Variants in CLIC5 observed in about 807,000 individuals in gnomAD.
CLIC5 encodes chloride intracellular channel protein 5.
A neutral mutation model predicts 24.7 loss-of-function variants in CLIC5; 20 were observed. The ratio of observed to expected loss-of-function variants is 0.81; its 90% CI spans 0.57 to 1.18. CLIC5 has a LOEUF of 1.18. Ranked by LOEUF, CLIC5 falls within the 50% of genes most tolerant of loss-of-function variation. The probability of loss-of-function intolerance (pLI) is 0.00; values close to 1 mark genes in which losing one functional copy is unlikely to be tolerated. For missense variants in CLIC5, 341 were observed against 326.1 expected (o/e 1.05, Z -0.35); for synonymous variants, 159 against 135.6 (o/e 1.17, Z -1.20).
intron 1 of CLIC5, among the ~76,000 whole-genome samples, chr6:45,974,530 G>T (rs1326529148): frequency 0.16 from 10,129 of 63,560 alleles, 305 homozygotes; most frequent in Non-Finnish European, 0.18. Context: ...TATAGAGAGA[G>T]AGAGAGAGAG....
downstream of CLIC5, chr6:45,880,866 A>G (rs1762256581): frequency 3.0e-6 from 1 of 328,794 alleles, no homozygotes; most frequent in African/African-American, 2.1e-5. Flanking sequence ...TGCAGCAGGG[A>G]ACCGACGGGC....
chr6:45,895,127 ATTTATTT>A (rs1762382526), downstream of CLIC5, among the ~76,000 whole-genome samples: 1 of 152,180 alleles, frequency 6.6e-6, no homozygotes. Flanking sequence ...TACCAGTATA[ATTTATTT>A]TTTATTTCTT....
At chr6:46,072,453 A>G (rs1762635347) in intron 1 of CLIC5, among the ~76,000 whole-genome samples, 1 of 152,146 alleles carries the variant, frequency 6.6e-6, no homozygotes, top group South Asian at 2.1e-4. Context: ...TGCAAATCCA[A>G]GTTATTCAGA....
intron 1 of CLIC5, among the ~76,000 whole-genome samples, chr6:46,072,286 G>C (rs1314740467): frequency 3.3e-5 from 5 of 152,046 alleles, no homozygotes; most frequent in South Asian, 4.2e-4. Flanking sequence ...GGCTAGGTGG[G>C]GGGAGGGGGG....
intron 1 of CLIC5, among the ~76,000 whole-genome samples, chr6:46,071,473 C>A (rs1451573395): frequency 3.3e-5 from 5 of 151,768 alleles, no homozygotes; most frequent in Admixed American, 3.3e-4. Context: ...GGGCCAACAA[C>A]CATATGAAAA....
intron 4 of CLIC5, among the ~76,000 whole-genome samples, chr6:45,934,582 C>A (rs749728530): frequency 4.6e-5 from 7 of 152,192 alleles, no homozygotes; most frequent in Non-Finnish European, 7.3e-5. Flanking sequence ...GCCCCTGGGG[C>A]TTTTCAGACC....
At chr6:45,889,632 T>A (rs1762332561) in intron 6 of CLIC5, among the ~76,000 whole-genome samples, 1 of 152,176 alleles carries the variant, frequency 6.6e-6, no homozygotes, top group Non-Finnish European at 1.5e-5. Context: ...GAAGGAAGTA[T>A]GATGATCAGG....
intron 1 of CLIC5, among the ~76,000 whole-genome samples, chr6:46,033,042 G>T (rs1767554811): frequency 7.2e-6 from 1 of 138,318 alleles, no homozygotes; most frequent in Non-Finnish European, 1.5e-5. Context: ...AGGCTGGAGT[G>T]CAGTGGCGTG....
intron 6 of CLIC5, among the ~76,000 whole-genome samples, chr6:45,889,937 A>C (rs1316421577): frequency 1.3e-5 from 2 of 152,216 alleles, no homozygotes; most frequent in Admixed American, 1.3e-4. Context: ...CATTCATAGA[A>C]TGAAACACTA....
At chr6:46,104,322 G>T in the CLIC5 span, among the ~76,000 whole-genome samples, 2 of 152,014 alleles carry the variant, frequency 1.3e-5, no homozygotes, top group African/African-American at 2.4e-5. Flanking sequence ...TCCACCATCT[G>T]GGGGGCATGA....
chr6:45,963,458 A>C (rs1764917620), intron 1 of CLIC5, among the ~76,000 whole-genome samples: 1 of 152,156 alleles, frequency 6.6e-6, no homozygotes, highest in African/African-American at 2.4e-5. Flanking sequence ...CACATTATGC[A>C]CTGGCCTGCC....
At chr6:46,032,966 G>C (rs1219104154) in intron 1 of CLIC5, among the ~76,000 whole-genome samples, 1 of 151,308 alleles carries the variant, frequency 6.6e-6, no homozygotes, top group African/African-American at 2.4e-5. Context: ...CTAAGGGTAG[G>C]GCCTGGAAAT....
chr6:46,081,067 G>A (rs1762911228), upstream of CLIC5, among the ~76,000 whole-genome samples: 1 of 152,174 alleles, frequency 6.6e-6, no homozygotes, highest in Non-Finnish European at 1.5e-5. Context: ...CTTCAAAGGG[G>A]CTTTTAAATG....
At chr6:45,986,894 C>G (rs1341622538) in intron 1 of CLIC5, among the ~76,000 whole-genome samples, 1 of 152,214 alleles carries the variant, frequency 6.6e-6, no homozygotes, top group Non-Finnish European at 1.5e-5. Flanking sequence ...GAGTCTTGTG[C>G]AGGGACAGAA....
intron 5 of CLIC5, among the ~76,000 whole-genome samples, chr6:45,911,434 C>T (rs1762814606): frequency 1.3e-5 from 2 of 152,150 alleles, no homozygotes; most frequent in African/African-American, 2.4e-5. Context: ...AGATGATGAT[C>T]CCTTGGGTTG....
At chr6:46,080,167 C>T (rs867474675) in exon 1 of CLIC5, 2 of 1,551,706 alleles carry the variant, frequency 1.3e-6, no homozygotes, top group East Asian at 2.4e-5. Flanking sequence ...TCATTTTCTT[C>T]TGGCTGGTCT....
intron 1 of CLIC5, among the ~76,000 whole-genome samples, chr6:45,966,175 C>T (rs965703005): frequency 6.6e-6 from 1 of 152,186 alleles, no homozygotes; most frequent in African/African-American, 2.4e-5. Flanking sequence ...AAGCTTATGA[C>T]ACTAAAATGA....
Position 45,902,615 on chromosome 6 carries a change from ACT to A in CLIC5, c.*471_*472del, listed in dbSNP as rs969078152. 6.3e-6 allele frequency: 1 copy of A among 159,778 alleles called. No homozygotes were observed. The highest frequency in any genetic ancestry group is 2.4e-5 in the African/African-American group (1 of 41,528). The allele number at this position is 159,778 out of a possible 1,614,324, so 9.9% of individuals were successfully genotyped here. A position where few individuals can be genotyped will look rare whatever the true frequency, so the allele number is the denominator to read the frequency against. On this transcript the variant is annotated 3_prime_UTR_variant, in exon 6 of 6. Coordinates refer to ENST00000339561, the MANE Select transcript of CLIC5 (RefSeq NM_016929.5). ...TAGCCAGCTCGGTACTCCTCCATTC[ACT>A]CTCTCTGTCTCCCCTAATGGGGTAA...
At chr6:45,892,755 C>T (rs1762364092) in intron 6 of CLIC5, among the ~76,000 whole-genome samples, 1 of 152,204 alleles carries the variant, frequency 6.6e-6, no homozygotes, top group South Asian at 2.1e-4. Context: ...TGTCTTTCTT[C>T]ATCTTTACGA....
Sources: allele counts gnomAD v4.1 joint callset (sites outside exome capture counted in the v4.1 genomes callset), GRCh38; gene constraint gnomAD v4.1.1; transcripts MANE v1.5; gene names NCBI Gene and HGNC (gene_info 2026-07-23, HGNC 2026-07-21).